Variants in LRRC17 observed in about 807,000 individuals in gnomAD.
LRRC17 encodes the protein leucine rich repeat containing 17.
LRRC17 carries 33 observed loss-of-function variants against 41.5 expected under a neutral mutation model. The ratio of observed to expected loss-of-function variants is 0.80; its 90% CI spans 0.60 to 1.06. The LOEUF is 1.06. Among genes scored for constraint, LRRC17 ranks in the 50% least tolerant of loss-of-function variants. LRRC17 has a pLI of 0.00. For synonymous variants in LRRC17, 192 were observed against 197.0 expected (o/e 0.97, Z 0.21); for missense variants, 491 against 519.3 (o/e 0.95, Z 0.53).
intron 1 of LRRC17, among the ~76,000 whole-genome samples, chr7:102,932,221 AG>A (rs1386057387): frequency 6.6e-6 from 1 of 152,226 alleles, no homozygotes; most frequent in Non-Finnish European, 1.5e-5. Flanking sequence ...TTAGCTTGAA[AG>A]CACTTGAAGA....
chr7:102,931,585 G>T (rs574397655), intron 1 of LRRC17, among the ~76,000 whole-genome samples: 1 of 152,218 alleles, frequency 6.6e-6, no homozygotes, highest in South Asian at 2.1e-4. Context: ...CATGTCTACT[G>T]GGGCCCAATT....
intron 1 of LRRC17, among the ~76,000 whole-genome samples, chr7:102,921,329 A>G (rs550953120): frequency 4.3e-4 from 65 of 152,360 alleles, no homozygotes; most frequent in African/African-American, 1.5e-3. Context: ...ATATATCACT[A>G]TTATAATGAT....
chr7:102,931,730 G>A, intron 1 of LRRC17: 2 of 626,560 alleles, frequency 3.2e-6, no homozygotes, highest in Non-Finnish European at 5.5e-6. Flanking sequence ...TTGTGCAGAT[G>A]GAGTAAAATT....
chr7:102,933,920 G>C lies in LRRC17; in HGVS notation c.7G>C (p.Val3Leu). ...GGGCCAGCTGGATGTCAGGATGCGT[G>C]TGGTTACCATTGTAATCTTGCTCTG... is the stretch of plus-strand genomic sequence containing the variant. MR[V>L]VTIVILLCFC... is the part of the protein sequence containing the mutation. The change falls in exon 2 of 4, where the codon GTG (valine) becomes CTG (leucine). Residue 3 changes from valine (V) to leucine (L), a missense_variant. Val to Leu is a conservative substitution (Grantham distance 32). Transcript: ENST00000339431. The C allele has an allele frequency of 6.2e-7, 1 of 1,601,932 alleles. No homozygotes were observed. The highest frequency in any genetic ancestry group is 1.1e-5 in the South Asian group (1 of 90,122).
rs377676475 is a variant in LRRC17 at position 102,934,622 on chromosome 7, G to A, written c.709G>A (p.Val237Met). 6.2e-7 allele frequency: 1 copy of A among 1,610,640 alleles called. No individual in the cohort carries two copies. Among genetic ancestry groups the A allele is most frequent in the South Asian group, 1.1e-5 (1 of 90,108 alleles). ...SGRPPVIKPEVDSTFCHNYVF... is the reference protein window; with the variant it reads ...SGRPPVIKPEMDSTFCHNYVF... Reference sequence around the variant, plus strand: ...GAGACCCCCAGTCATCAAGCCTGAGGTGGACTCAACTTTTTGCCACAATTA... The same window carrying A: ...GAGACCCCCAGTCATCAAGCCTGAGATGGACTCAACTTTTTGCCACAATTA... Residue 237 changes from valine to methionine, a missense_variant, in exon 2 of 4, where the codon GTG becomes ATG. Val to Met is a conservative substitution (Grantham distance 21). Coordinates refer to ENST00000339431, the MANE Select transcript of LRRC17 (RefSeq NM_001031692.3).
chr7:102,941,003 TA>T (rs1336944301), intron 3 of LRRC17, among the ~76,000 whole-genome samples: 2 of 152,154 alleles, frequency 1.3e-5, no homozygotes, highest in Non-Finnish European at 2.9e-5. Flanking sequence ...TTTAACACAA[TA>T]AAAGTGAAAA....
At chr7:102,943,318 T>G (rs1325140019) in intron 3 of LRRC17, among the ~76,000 whole-genome samples, 1 of 121,698 alleles carries the variant, frequency 8.2e-6, no homozygotes, top group Non-Finnish European at 1.7e-5. Context: ...GTAGCATCTT[T>G]TTTTCCCAAG....
chr7:102,922,522 G>A lies in LRRC17; in HGVS notation c.-141+9377G>A, dbSNP rs141945238. On this transcript the variant is annotated intron_variant, in intron 1 of 3. Coordinates refer to ENST00000339431, the MANE Select transcript of LRRC17 (RefSeq NM_001031692.3). ...AAAATTTTATATTTTACTATTTTGC[G>A]GATATAAAGGATGTGTAGCACGCAA... Among the ~76,000 whole-genome samples the A allele has an allele frequency of 3.7e-4, 57 of 152,108 alleles. No homozygotes were observed. The East Asian group carries it at 4.3e-3, about 11-fold the overall frequency.
chr7:102,925,338 T>C (rs1275788521), intron 1 of LRRC17, among the ~76,000 whole-genome samples: 1 of 152,166 alleles, frequency 6.6e-6, no homozygotes, highest in Non-Finnish European at 1.5e-5. Flanking sequence ...GAGGCTGCCG[T>C]AAGCCATGAT....
intron 1 of LRRC17, among the ~76,000 whole-genome samples, chr7:102,915,767 C>T (rs565654759): frequency 5.7e-4 from 87 of 152,228 alleles, no homozygotes; most frequent in Admixed American, 1.2e-3. Context: ...AATATATGTG[C>T]TTCTTTATTA....
At chr7:102,941,747 C>CA (rs111478330) in intron 3 of LRRC17, among the ~76,000 whole-genome samples, 2,559 of 131,238 alleles carry the variant, frequency 0.019, 63 homozygotes, top group African/African-American at 0.065. Flanking sequence ...AAAGCTGTCT[C>CA]AAAAAAAAAA....
At chr7:102,926,368 A>T in intron 1 of LRRC17, 1 of 1,612,814 alleles carries the variant, frequency 6.2e-7, no homozygotes, top group Non-Finnish European at 8.5e-7. Context: ...TGTCTCATTG[A>T]TTCATCCTGC....
At chr7:102,943,436 A>G (rs1407679454) in intron 3 of LRRC17, among the ~76,000 whole-genome samples, 6 of 152,216 alleles carry the variant, frequency 3.9e-5, no homozygotes, top group Admixed American at 6.6e-5. Context: ...GAGTAACAAT[A>G]TATTTCACAA....
intron 1 of LRRC17, among the ~76,000 whole-genome samples, chr7:102,918,726 C>T (rs552621254): frequency 8.5e-5 from 13 of 152,250 alleles, no homozygotes; most frequent in African/African-American, 3.1e-4. Context: ...CACTATGTAG[C>T]TGGGTGTAGC....
intron 1 of LRRC17, among the ~76,000 whole-genome samples, chr7:102,923,783 C>G (rs1817546928): frequency 1.3e-5 from 2 of 151,634 alleles, no homozygotes; most frequent in Admixed American, 1.3e-4. Context: ...CAAGATTGCA[C>G]CACTGTACTC....
intron 1 of LRRC17, among the ~76,000 whole-genome samples, chr7:102,919,537 T>C (rs1816578144): frequency 6.6e-6 from 1 of 152,208 alleles, no homozygotes; most frequent in Non-Finnish European, 1.5e-5. Flanking sequence ...TGGAAATGTC[T>C]TTAATTTCTC....
rs2129473823 is a variant in LRRC17, at chr7:102,934,759, A to T, written c.772+74A>T. Reference sequence around the variant, plus strand: ...CTTTGAATCTTATAATCCTCCCTACATCCCACCATGTCTTGGAATTCGTGA... The same window carrying T: ...CTTTGAATCTTATAATCCTCCCTACTTCCCACCATGTCTTGGAATTCGTGA... On this transcript the variant is annotated intron_variant, in intron 2 of 3. Transcript: ENST00000339431. The T allele has an allele frequency of 2.4e-6, 3 of 1,259,136 alleles. No individual in the cohort carries two copies. In the East Asian group the frequency reaches 7.0e-5, roughly 30 times the overall value. 78.0% of individuals were successfully genotyped at this position (1,259,136 alleles called of 1,614,324 possible).
At chr7:102,914,334 A>T (rs1404497872) in intron 1 of LRRC17, among the ~76,000 whole-genome samples, 1 of 152,190 alleles carries the variant, frequency 6.6e-6, no homozygotes, top group East Asian at 1.9e-4. Context: ...TGGCCTCCCA[A>T]AGTGCTCGGA....
At chr7:102,936,891 C>G (rs55681588) in intron 2 of LRRC17, among the ~76,000 whole-genome samples, 23,506 of 151,878 alleles carry the variant, frequency 0.15, 1,858 homozygotes, top group Middle Eastern at 0.21. Flanking sequence ...TTCCCTCCCC[C>G]AATGAGCCTA....
Sources: gnomAD v4.1 joint callset for allele counts (sites outside exome capture counted in the v4.1 genomes callset) on GRCh38, gnomAD v4.1.1 for gene constraint, MANE v1.5 for transcripts, NCBI Gene and HGNC (gene_info 2026-07-23, HGNC 2026-07-21) for gene names.